The following ANK2 variants were observed in gnomAD, a reference collection of about 807,000 sequenced individuals.
ANK2 encodes ankyrin-2.
ANK2 carries 83 observed loss-of-function variants against 360.5 expected under a neutral mutation model. The ratio of observed to expected loss-of-function variants is 0.23; its 90% CI spans 0.19 to 0.28. ANK2 has a LOEUF of 0.28. ANK2 is among the 10% of genes least tolerant of loss of function. The pLI, the probability that ANK2 is intolerant of heterozygous loss-of-function variation, is 1.00. For synonymous variants in ANK2, 1,740 were observed against 1,759.5 expected (o/e 0.99, Z 0.28); for missense variants, 4,201 against 4,795.7 (o/e 0.88, Z 3.66).
At chr4:113,238,232 T>A (rs2153560454) in intron 7 of ANK2, among the ~76,000 whole-genome samples, 1 of 152,342 alleles carries the variant, frequency 6.6e-6, no homozygotes, top group East Asian at 1.9e-4. Context: ...CAGTATGGTG[T>A]GTTTGTATAT....
At chr4:113,040,480 T>TTGC (rs1015032419) in intron 2 of ANK2, among the ~76,000 whole-genome samples, 27 of 151,944 alleles carry the variant, frequency 1.8e-4, no homozygotes, top group East Asian at 3.9e-4. Flanking sequence ...CCCTAAACAA[T>TTGC]TGCTGCTGCT....
At chr4:113,232,415 A>T (rs1035343516) in intron 5 of ANK2, among the ~76,000 whole-genome samples, 156 bp downstream of exon 5, 3 of 152,240 alleles carry the variant, frequency 2.0e-5, no homozygotes, top group Non-Finnish European at 4.4e-5. Context: ...CAAATGACTC[A>T]GGCTTGTGCA....
chr4:112,836,674 T>C (rs953517932), intron 1 of ANK2, among the ~76,000 whole-genome samples: 7 of 152,232 alleles, frequency 4.6e-5, no homozygotes, highest in Non-Finnish European at 1.0e-4. Context: ...TGCCATGCTT[T>C]AGCAAAGAGA....
the ANK2 span, among the ~76,000 whole-genome samples, chr4:112,736,505 T>C: frequency 6.6e-6 from 1 of 151,848 alleles, no homozygotes; most frequent in Admixed American, 6.6e-5. Flanking sequence ...TTTTAGAGAA[T>C]TTAACAAATC....
intron 18 of ANK2, among the ~76,000 whole-genome samples, chr4:113,286,196 T>G (rs940312487): frequency 6.6e-6 from 1 of 152,256 alleles, no homozygotes; most frequent in African/African-American, 2.4e-5. Flanking sequence ...AATATTCTGT[T>G]TGTTATTTTA....
chr4:113,206,252 C>T (rs1402667483), intron 4 of ANK2, among the ~76,000 whole-genome samples: 1 of 152,120 alleles, frequency 6.6e-6, no homozygotes, highest in African/African-American at 2.4e-5. Flanking sequence ...TCTCCCCCTG[C>T]CCCCTGACAG....
At chr4:112,886,535 G>A (rs541850802) in intron 1 of ANK2, among the ~76,000 whole-genome samples, 9 of 152,014 alleles carry the variant, frequency 5.9e-5, no homozygotes, top group Non-Finnish European at 1.3e-4. Flanking sequence ...GGTGGCGCGC[G>A]CCTGTAATTC....
At chr4:112,758,529 G>C in the ANK2 span, among the ~76,000 whole-genome samples, 1 of 152,092 alleles carries the variant, frequency 6.6e-6, no homozygotes, top group Admixed American at 6.6e-5. Flanking sequence ...TCCTGCCTCA[G>C]CCTCCTGAGT....
At chr4:113,243,145 T>C (rs1196873465) in intron 9 of ANK2, among the ~76,000 whole-genome samples, 1 of 152,212 alleles carries the variant, frequency 6.6e-6, no homozygotes, top group East Asian at 1.9e-4. Context: ...TGGTTAATCA[T>C]AGACTTCAGC....
At chr4:113,119,837 C>T (rs62313807) in intron 1 of ANK2, among the ~76,000 whole-genome samples, 25,790 of 152,022 alleles carry the variant, frequency 0.17, 2,247 homozygotes, top group African/African-American at 0.19. Context: ...ATCAATTAAG[C>T]AGTCACATTT....
chr4:112,732,787 A>G, the ANK2 span, among the ~76,000 whole-genome samples: 4 of 152,040 alleles, frequency 2.6e-5, no homozygotes, highest in Non-Finnish European at 5.9e-5. Flanking sequence ...TCTAAATAAC[A>G]CTCAGTGTTT....
intron 1 of ANK2, among the ~76,000 whole-genome samples, chr4:113,071,291 C>A (rs1440241154): frequency 6.6e-6 from 1 of 152,148 alleles, no homozygotes; most frequent in Non-Finnish European, 1.5e-5. Context: ...CCTCATTCAG[C>A]AGACGGGATA....
chr4:112,823,571 C>CAA (rs34386421), intron 1 of ANK2, among the ~76,000 whole-genome samples: 3,604 of 143,374 alleles, frequency 0.025, 81 homozygotes, highest in African/African-American at 0.062. Flanking sequence ...AGAGGAAATG[C>CAA]AAAAAAAAAA....
the ANK2 span, among the ~76,000 whole-genome samples, chr4:112,810,744 G>C: frequency 6.6e-6 from 1 of 151,692 alleles, no homozygotes; most frequent in Non-Finnish European, 1.5e-5. Flanking sequence ...TAGAGACGAG[G>C]TTTCACCATG....
chr4:112,822,092 A>G (rs564972092), intron 1 of ANK2, among the ~76,000 whole-genome samples: 3 of 152,098 alleles, frequency 2.0e-5, no homozygotes, highest in Middle Eastern at 6.8e-3. Context: ...AAACCTATTC[A>G]TGGTGACATA....
chr4:112,919,801 C>T (rs2090980185), intron 2 of ANK2, among the ~76,000 whole-genome samples: 2 of 152,152 alleles, frequency 1.3e-5, no homozygotes, highest in Admixed American at 6.5e-5. Context: ...ACTTTAAGTG[C>T]ATTATATCTG....
chr4:112,759,189 G>T, the ANK2 span, among the ~76,000 whole-genome samples: 1 of 152,126 alleles, frequency 6.6e-6, no homozygotes, highest in Non-Finnish European at 1.5e-5. Context: ...AGTTTAGAGT[G>T]CAGGGGCGTG....
chr4:113,089,241 T>A (rs1024124052), intron 1 of ANK2, among the ~76,000 whole-genome samples: 1 of 152,222 alleles, frequency 6.6e-6, no homozygotes, highest in Non-Finnish European at 1.5e-5. Flanking sequence ...CATGACCATA[T>A]GCCATCAGTC....
intron 11 of ANK2, among the ~76,000 whole-genome samples, chr4:113,256,631 T>A (rs895333234): frequency 1.3e-5 from 2 of 152,246 alleles, no homozygotes; most frequent in African/African-American, 4.8e-5. Context: ...AGACATGTAC[T>A]AATTTATGCC....
Sources: gnomAD v4.1 joint callset for allele counts (sites outside exome capture counted in the v4.1 genomes callset) on GRCh38, gnomAD v4.1.1 for gene constraint, MANE v1.5 for transcripts, NCBI Gene and HGNC (gene_info 2026-07-23, HGNC 2026-07-21) for gene names.